Variants in SOX5 observed in about 807,000 individuals in gnomAD.
SOX5 encodes the protein SRY-box transcription factor 5.
SOX5 carries 9 observed loss-of-function variants against 92.0 expected under a neutral mutation model. That is an observed-to-expected ratio of 0.10 (90% CI 0.06 to 0.17). SOX5 has a LOEUF of 0.17. Ranked by LOEUF, SOX5 falls within the 10% of genes least tolerant of loss-of-function variation. The pLI, the probability that SOX5 is intolerant of heterozygous loss-of-function variation, is 1.00. For missense variants in SOX5, 642 were observed against 944.5 expected, an observed-to-expected ratio of 0.68 and a Z score of 4.20; for synonymous variants, 344 against 336.3, an observed-to-expected ratio of 1.02 and a Z score of -0.25.
intron 9 of SOX5, among the ~76,000 whole-genome samples, chr12:23,586,085 C>G (rs1950688293): frequency 6.6e-6 from 1 of 152,060 alleles, no homozygotes; most frequent in Non-Finnish European, 1.5e-5. Context: ...GAAGCGCGCT[C>G]TCTCTCTCCC....
intron 7 of SOX5, among the ~76,000 whole-genome samples, chr12:23,652,607 C>T (rs2081745940): frequency 6.6e-6 from 1 of 150,888 alleles, no homozygotes; most frequent in South Asian, 2.1e-4. Flanking sequence ...TTCTTTCTTC[C>T]AAAAGCTGCT....
rs142710312 is a variant in SOX5, at chr12:23,640,848, G to T, written c.981C>A (p.Ala327=). The T allele has an allele frequency of 1.2e-6, 2 of 1,613,708 alleles. No homozygotes were observed. The highest frequency in any genetic ancestry group is 1.7e-5 in the Admixed American group (1 of 60,008). The change falls in exon 8 of 15, where the codon GCC becomes GCA. Residue 327 remains alanine (A), a synonymous_variant. Coordinates refer to ENST00000451604, the MANE Select transcript of SOX5 (RefSeq NM_006940.6). ...GTGGGCCTAAGCCTGGTGTTGCTGC[G>T]GCAGCAGCTGCCATGGTAGTTGGGA... ...QLIPTTMAAA[A]AATPGLGPLQ...
intron 2 of SOX5, among the ~76,000 whole-genome samples, chr12:24,317,007 G>C (rs1048309506): frequency 6.6e-6 from 1 of 152,130 alleles, no homozygotes; most frequent in Non-Finnish European, 1.5e-5. Context: ...GGCAACCAGG[G>C]AGCAACTAAA....
At chr12:23,763,328 A>G (rs1174265055) in intron 3 of SOX5, among the ~76,000 whole-genome samples, 1 of 152,158 alleles carries the variant, frequency 6.6e-6, no homozygotes, top group African/African-American at 2.4e-5. Context: ...TACAACTACA[A>G]CTTACTATAA....
intron 1 of SOX5, among the ~76,000 whole-genome samples, chr12:24,446,429 T>G (rs1173415068): frequency 6.6e-6 from 1 of 152,126 alleles, no homozygotes; most frequent in Non-Finnish European, 1.5e-5. Context: ...AAAGGCCCCA[T>G]GTGGACAAGT....
At chr12:23,885,158 T>C (rs1245139294) in intron 2 of SOX5, among the ~76,000 whole-genome samples, 2 of 152,124 alleles carry the variant, frequency 1.3e-5, no homozygotes, top group African/African-American at 4.8e-5. Flanking sequence ...CCAGGATGTG[T>C]GTTTATGCAG....
intron 1 of SOX5, among the ~76,000 whole-genome samples, chr12:24,561,037 G>C (rs375650639): frequency 6.6e-6 from 1 of 152,342 alleles, no homozygotes; most frequent in South Asian, 2.1e-4. Flanking sequence ...CCTGCCCTTG[G>C]CTAAAGAACT....
chr12:23,759,034 C>CAG (rs2094493785), intron 3 of SOX5, among the ~76,000 whole-genome samples: 1 of 10,062 alleles, frequency 9.9e-5, no homozygotes, highest in African/African-American at 1.3e-4. Flanking sequence ...CACACAGACA[C>CAG]ACACACACAC....
chr12:24,082,489 G>T (rs571125680), intron 4 of SOX5, among the ~76,000 whole-genome samples: 1 of 144,658 alleles, frequency 6.9e-6, no homozygotes, highest in African/African-American at 2.5e-5. Flanking sequence ...ATATTTGCAA[G>T]CTATATAGTA....
At chr12:23,671,898 G>A (rs2084844472) in intron 6 of SOX5, among the ~76,000 whole-genome samples, 2 of 152,000 alleles carry the variant, frequency 1.3e-5, no homozygotes, top group Non-Finnish European at 2.9e-5. Flanking sequence ...ACAGCCATGT[G>A]GATTTTTTAC....
chr12:23,695,027 G>A (rs1047800153), intron 6 of SOX5, among the ~76,000 whole-genome samples: 1 of 151,578 alleles, frequency 6.6e-6, no homozygotes, highest in Non-Finnish European at 1.5e-5. Flanking sequence ...GGCTGAGGTG[G>A]GAGAATCACC....
At chr12:24,353,462 A>G (rs1954371882) in intron 2 of SOX5, among the ~76,000 whole-genome samples, 1 of 152,148 alleles carries the variant, frequency 6.6e-6, no homozygotes, top group Non-Finnish European at 1.5e-5. Flanking sequence ...GAGTACAGAA[A>G]AGTTTGAAGC....
chr12:23,778,621 ATCAGGAAATGTATATAAGCAGAT>A (rs2095181936), intron 3 of SOX5, among the ~76,000 whole-genome samples: 1 of 152,220 alleles, frequency 6.6e-6, no homozygotes, highest in Non-Finnish European at 1.5e-5. Context: ...AATGAATTTA[ATCAGGAAATGTATATAAGCAGAT>A]TGGTAAATTC....
chr12:24,275,252 C>G (rs1053706807), intron 3 of SOX5, among the ~76,000 whole-genome samples: 10 of 151,950 alleles, frequency 6.6e-5, no homozygotes, highest in Non-Finnish European at 8.8e-5. Flanking sequence ...TCTCATGAGT[C>G]CATTATCCAG....
rs774119544 is a variant in SOX5, at chr12:23,546,289, G to A, written c.1597+27C>T. On this transcript the variant is annotated intron_variant, in intron 12 of 14. Coordinates refer to ENST00000451604, the MANE Select transcript of SOX5 (RefSeq NM_006940.6). ...ACCTAGACACTTTCTTGCATTATTA[G>A]AATATGTATGAACAATTTTCACAAA... 3.1e-6 allele frequency: 4 copies of A among 1,285,660 alleles called. No individual in the cohort carries two copies. The Admixed American group carries it at 6.9e-5, about 22-fold the overall frequency. 79.6% of individuals were successfully genotyped at this position (1,285,660 alleles called of 1,614,324 possible). A position where few individuals can be genotyped will look rare whatever the true frequency, so the allele number is the denominator to read the frequency against.
intron 1 of SOX5, among the ~76,000 whole-genome samples, chr12:24,559,110 C>G (rs1269528008): frequency 1.3e-5 from 2 of 152,182 alleles, no homozygotes; most frequent in Non-Finnish European, 2.9e-5. Context: ...TAACTATCTA[C>G]AAATCTAAGT....
At chr12:24,373,550 T>G (rs1170897768) in intron 1 of SOX5, among the ~76,000 whole-genome samples, 1 of 152,222 alleles carries the variant, frequency 6.6e-6, no homozygotes, top group African/African-American at 2.4e-5. Flanking sequence ...AATATATTCT[T>G]ATTTTAAAAT....
chr12:23,870,324 A>G (rs2096859376), intron 2 of SOX5, among the ~76,000 whole-genome samples: 2 of 152,162 alleles, frequency 1.3e-5, no homozygotes, highest in African/African-American at 4.8e-5. Flanking sequence ...CTGAAATTCA[A>G]CTAGAACATT....
chr12:24,437,097 A>G (rs1939588901), intron 1 of SOX5, among the ~76,000 whole-genome samples: 1 of 152,240 alleles, frequency 6.6e-6, no homozygotes, highest in Non-Finnish European at 1.5e-5. Context: ...GGAGATGCCA[A>G]AAGAGATGAA....
Sources: allele counts gnomAD v4.1 joint callset (sites outside exome capture counted in the v4.1 genomes callset), GRCh38; gene constraint gnomAD v4.1.1; transcripts MANE v1.5; gene names NCBI Gene and HGNC (gene_info 2026-07-23, HGNC 2026-07-21).